The following NIN variants were observed in gnomAD, a reference collection of about 807,000 sequenced individuals.
NIN encodes glycogen synthase kinase 3 beta-interacting protein.
Under a neutral mutation model 257.6 loss-of-function variants are expected in NIN, and 137 were observed. The ratio of observed to expected loss-of-function variants is 0.53; its 90% CI spans 0.46 to 0.61. NIN has a LOEUF of 0.61. Among genes scored for constraint, NIN ranks in the 20% least tolerant of loss-of-function variants. The pLI, the probability that NIN is intolerant of heterozygous loss-of-function variation, is 0.00. For missense variants in NIN, 2,439 were observed against 2,501.2 expected (o/e 0.98, Z 0.53); for synonymous variants, 918 against 919.8 (o/e 1.00, Z 0.04).
intron 22 of NIN, among the ~76,000 whole-genome samples, chr14:50,747,370 TA>T (rs2041593295): frequency 6.6e-6 from 1 of 152,220 alleles, no homozygotes; most frequent in South Asian, 2.1e-4. Context: ...TATGTTACTT[TA>T]TAACCTGGCT....
At chr14:50,747,750 AGG>A (rs533666591) in intron 22 of NIN, among the ~76,000 whole-genome samples, 37 of 145,338 alleles carry the variant, frequency 2.5e-4, no homozygotes, top group Middle Eastern at 3.4e-3. Flanking sequence ...AAAAAAAAAA[AGG>A]GGGGGATTTT....
intron 2 of NIN, among the ~76,000 whole-genome samples, chr14:50,830,003 C>T (rs986679022): frequency 8.5e-5 from 13 of 152,238 alleles, no homozygotes; most frequent in African/African-American, 2.4e-4. Context: ...TACTGGGAAA[C>T]TGTTTACGCG....
At position 50,763,923 on chromosome 14, in the gene NIN, T is replaced by C; in HGVS notation, c.1677A>G (p.Glu559=). The change falls in exon 15 of 31, where the codon GAA becomes GAG. Residue 559 remains glutamate, a synonymous_variant. Transcript: ENST00000530997. Reference sequence around the variant, plus strand: ...GCACTCTGCCTTGTGCACGATATTCTTCCAGCTCAGACTGGAGTTCATCTA... The same window carrying C: ...GCACTCTGCCTTGTGCACGATATTCCTCCAGCTCAGACTGGAGTTCATCTA... ...DQVDELQSEL[E]EYRAQGRVLR... 6.2e-7 allele frequency: 1 copy of C among 1,614,102 alleles called. No homozygotes were observed.
Position 50,739,412 on chromosome 14 carries a change from C to G in NIN, c.5524G>C (p.Asp1842His), listed in dbSNP as rs765795570. 1 of 1,614,220 alleles carries G rather than the reference C, an allele frequency of 6.2e-7. No homozygotes were observed. The highest frequency in any genetic ancestry group is 1.7e-5 in the Admixed American group (1 of 60,026). Residue 1842 changes from aspartate to histidine, a missense_variant, in exon 26 of 31, where the codon GAT becomes CAT. Around this residue, in one of 3 missense-constraint regions of NIN, gnomAD observed 2,043 missense variants for 2,050.2 expected, o/e 1.00. Coordinates refer to ENST00000530997, the MANE Select transcript of NIN (RefSeq NM_020921.4). ...TGCTGTTCCTCATTCATCAGATGAT[C>G]CAACTTGTCCCAGGACAGCCTTTTC... The part of the protein sequence containing the change: ...QQKRLSWDKL[D>H]HLMNEEQQLL...
chr14:50,798,854 C>T (rs576877563), intron 4 of NIN, among the ~76,000 whole-genome samples: 71 of 152,362 alleles, frequency 4.7e-4, no homozygotes, highest in Middle Eastern at 3.4e-3. Flanking sequence ...TCTCAGCTCA[C>T]TGCAAACTCC....
chr14:50,741,637 G>A lies in NIN; in HGVS notation c.5393C>T (p.Ala1798Val). Residue 1798 changes from alanine (A) to valine (V), a missense_variant, in exon 25 of 31, where the codon GCT becomes GTT. Ala to Val is a moderately conservative substitution (Grantham distance 64). Around this residue, in one of 3 missense-constraint regions of NIN, gnomAD observed 2,043 missense variants for 2,050.2 expected, o/e 1.00. Coordinates refer to ENST00000530997, the MANE Select transcript of NIN (RefSeq NM_020921.4). The part of the protein sequence containing the change: ...DLRVTQQEKE[A>V]LKQEVMSLHK... Reference sequence around the variant, plus strand: ...TAAAGACATCACTTCTTGTTTTAAAGCCTCCTTTTCCTGCTGAGTCACTCG... The same window carrying A: ...TAAAGACATCACTTCTTGTTTTAAAACCTCCTTTTCCTGCTGAGTCACTCG... 1 of 1,614,092 alleles carries A rather than the reference G, an allele frequency of 6.2e-7. No homozygotes were observed. Among genetic ancestry groups the A allele is most frequent in the Non-Finnish European group, 8.5e-7 (1 of 1,179,990 alleles).
In NIN at chr14:50,754,594, A is replaced by C; in HGVS notation, c.4703T>G (p.Val1568Gly). The change falls in exon 20 of 31, where the codon GTT (valine) becomes GGT (glycine). Residue 1568 changes from valine (V) to glycine (G), a missense_variant. Around this residue, in one of 3 missense-constraint regions of NIN, gnomAD observed 2,043 missense variants for 2,050.2 expected, o/e 1.00. Transcript: ENST00000530997. The stretch of plus-strand genomic sequence containing the variant: ...CTTTAAATTTTCAACCATCTTCTGA[A>C]CTGCAGCATTTTCTTGTTTTACAGT... Reference protein sequence around the residue: ...TETVKQENAAVQKMVENLKKQ... With the variant: ...TETVKQENAAGQKMVENLKKQ... 1 of 1,610,650 alleles carries C rather than the reference A, an allele frequency of 6.2e-7. No homozygotes were observed. The highest frequency in any genetic ancestry group is 8.5e-7 in the Non-Finnish European group (1 of 1,178,712).
At chr14:50,804,726 G>C (rs959347566) in intron 4 of NIN, among the ~76,000 whole-genome samples, 1 of 152,064 alleles carries the variant, frequency 6.6e-6, no homozygotes, top group Non-Finnish European at 1.5e-5. Flanking sequence ...GCTTCCCTTG[G>C]CTACACTGGA....
At chr14:50,765,707 T>C (rs1456588799) in intron 14 of NIN, among the ~76,000 whole-genome samples, 1 of 149,600 alleles carries the variant, frequency 6.7e-6, no homozygotes, top group Non-Finnish European at 1.5e-5. Flanking sequence ...TTGCATTTTA[T>C]AAATAAATGG....
At chr14:50,769,743 A>C (rs2042648843) in intron 12 of NIN, among the ~76,000 whole-genome samples, 1 of 152,092 alleles carries the variant, frequency 6.6e-6, no homozygotes, top group African/African-American at 2.4e-5. Flanking sequence ...CTCAAGTGAT[A>C]TGCCTGCCTC....
At chr14:50,737,626 A>T (rs1231685085) in intron 27 of NIN, among the ~76,000 whole-genome samples, 1 of 148,830 alleles carries the variant, frequency 6.7e-6, no homozygotes, top group South Asian at 2.1e-4. Flanking sequence ...AAGAAGCTTA[A>T]ATTGTGGTTT....
intron 26 of NIN, 108 bp downstream of exon 26, chr14:50,739,200 A>G: frequency 1.1e-6 from 1 of 926,972 alleles, no homozygotes; most frequent in Non-Finnish European, 1.6e-6. Flanking sequence ...CTATAGCAGG[A>G]TACTCAAATC....
In NIN at chr14:50,763,839, A is replaced by C. The variant is rs1595807856; in HGVS notation, c.1761T>G (p.Ile587Met). Reference protein sequence around the residue: ...SEEVEANSGGIEPEHGLGSEE... With the variant: ...SEEVEANSGGMEPEHGLGSEE... ...GAATGTGTTTACCGTGTTCGGGCTC[A>C]ATGCCACCGCTGTTAGCCTCAACTT... is the stretch of plus-strand genomic sequence containing the variant. Residue 587 changes from isoleucine (I) to methionine (M), a missense_variant, in exon 15 of 31, where the codon ATT (isoleucine) becomes ATG (methionine). Physicochemically the swap from Ile to Met is conservative, Grantham distance 10. Around this residue, in one of 3 missense-constraint regions of NIN, gnomAD observed 2,043 missense variants for 2,050.2 expected, o/e 1.00. Coordinates refer to ENST00000530997, the MANE Select transcript of NIN (RefSeq NM_020921.4). 3 of 1,614,072 alleles carry C rather than the reference A, an allele frequency of 1.9e-6. No individual in the cohort carries two copies. In the East Asian group the frequency reaches 6.7e-5, roughly 36 times the overall value.
chr14:50,781,238 G>A (rs1057174452), intron 5 of NIN, among the ~76,000 whole-genome samples: 2 of 152,122 alleles, frequency 1.3e-5, no homozygotes, highest in African/African-American at 4.8e-5. Context: ...ACCATTGGTA[G>A]AAACCTACCA....
chr14:50,731,746 A>C (rs1241898621), intron 28 of NIN, among the ~76,000 whole-genome samples: 1 of 152,144 alleles, frequency 6.6e-6, no homozygotes, highest in African/African-American at 2.4e-5. Context: ...GAATCGCTCG[A>C]ATCCGGGAGG....
chr14:50,724,813 C>A (rs186459374), intron 30 of NIN, among the ~76,000 whole-genome samples: 28 of 152,252 alleles, frequency 1.8e-4, no homozygotes. Context: ...TAGTTGAAAT[C>A]TTAACTCTCA....
At chr14:50,771,967 T>C (rs1302158111) in intron 9 of NIN, 2 of 215,078 alleles carry the variant, frequency 9.3e-6, no homozygotes, top group East Asian at 2.1e-4. Flanking sequence ...GTCCAGGTGA[T>C]AAAACGAGAC....
chr14:50,785,392 G>A (rs1274176961), intron 5 of NIN, among the ~76,000 whole-genome samples: 2 of 152,240 alleles, frequency 1.3e-5, no homozygotes, highest in Non-Finnish European at 2.9e-5. Flanking sequence ...AACCATTATG[G>A]GGGCAGACAC....
chr14:50,754,485 G>A, intron 20 of NIN, 78 bp downstream of exon 20: 1 of 1,131,870 alleles, frequency 8.8e-7, no homozygotes, highest in Non-Finnish European at 1.3e-6. Context: ...ATTACCGTGT[G>A]CTGTAAATTT....
Sources: allele counts gnomAD v4.1 joint callset (sites outside exome capture counted in the v4.1 genomes callset), GRCh38; gene constraint gnomAD v4.1.1; regional missense constraint gnomAD v4.1.1; transcripts MANE v1.5; gene names NCBI Gene and HGNC (gene_info 2026-07-23, HGNC 2026-07-21).